DOCK2: variants seen among roughly 807,000 people sequenced by gnomAD.
DOCK2 encodes the protein dedicator of cytokinesis protein 2.
DOCK2 carries 87 observed loss-of-function variants against 248.9 expected under a neutral mutation model. That is an observed-to-expected ratio of 0.35 (90% CI 0.29 to 0.42). The LOEUF (loss-of-function observed/expected upper bound fraction) is 0.42, where lower values mean the gene tolerates loss of function less well. Ranked by LOEUF, DOCK2 falls within the 10% of genes least tolerant of loss-of-function variation. The pLI is 1.00. For missense variants in DOCK2, 1,747 were observed against 2,300.2 expected (o/e 0.76, Z 4.92); for synonymous variants, 805 against 821.6 (o/e 0.98, Z 0.35).
At chr5:169,656,993 T>A (rs187007272) in intron 2 of DOCK2, among the ~76,000 whole-genome samples, 3 of 152,370 alleles carry the variant, frequency 2.0e-5, no homozygotes, top group South Asian at 2.1e-4. Flanking sequence ...AATAACTTGC[T>A]GGAAAAAGCT....
At chr5:169,760,718 G>T (rs1432218344) in intron 24 of DOCK2, among the ~76,000 whole-genome samples, 1 of 152,140 alleles carries the variant, frequency 6.6e-6, no homozygotes, top group Non-Finnish European at 1.5e-5. Flanking sequence ...GCTGTGTATT[G>T]ATTTGTTTGC....
intron 27 of DOCK2, among the ~76,000 whole-genome samples, chr5:169,867,991 C>T (rs1372851104): frequency 6.6e-6 from 1 of 152,200 alleles, no homozygotes; most frequent in East Asian, 1.9e-4. Context: ...TCACAATGCT[C>T]CTAGCTCCTG....
At chr5:169,977,582 A>G (rs1252868383) in intron 27 of DOCK2, among the ~76,000 whole-genome samples, 2 of 152,208 alleles carry the variant, frequency 1.3e-5, no homozygotes, top group Admixed American at 1.3e-4. Flanking sequence ...CAAAACTAGT[A>G]AGAGATACAG....
intron 9 of DOCK2, among the ~76,000 whole-genome samples, chr5:169,691,335 T>C (rs1760285596): frequency 6.6e-6 from 1 of 151,852 alleles, no homozygotes; most frequent in Non-Finnish European, 1.5e-5. Context: ...CATTTTAACA[T>C]GAGATTTGGG....
At chr5:169,706,684 G>A (rs1761284991) in intron 14 of DOCK2, among the ~76,000 whole-genome samples, 1 of 152,254 alleles carries the variant, frequency 6.6e-6, no homozygotes. Context: ...TCTTCACTCA[G>A]TTCTGGTTCA....
chr5:169,717,360 A>C lies in DOCK2; in HGVS notation c.2032-24A>C, dbSNP rs149631349. 181 of 1,606,218 alleles carry C rather than the reference A, an allele frequency of 1.1e-4. 1 individual carries two copies. In the East Asian group the frequency reaches 2.3e-3, roughly 21 times the overall value. The stretch of plus-strand genomic sequence containing the variant: ...CCTGCCCTGGGTTTGCCCTGAAAAT[A>C]CTGCTGCCTTGCATCTTCCTCAGAT... On this transcript the variant is annotated intron_variant, in intron 20 of 51. Transcript: ENST00000520908.
chr5:169,637,346 C>G lies in DOCK2; in HGVS notation c.20C>G (p.Ala7Gly). Residue 7 changes from alanine to glycine, a missense_variant, in exon 1 of 52, where the codon GCT (alanine) becomes GGT (glycine). Physicochemically the swap from Ala to Gly is moderately conservative, Grantham distance 60. This residue lies in a region of DOCK2 where 375 missense variants were observed against 510.9 expected (regional missense o/e 0.73). Coordinates refer to ENST00000520908, the MANE Select transcript of DOCK2 (RefSeq NM_004946.3). Reference sequence around the variant, plus strand: ...CCAGCCATGGCCCCCTGGCGCAAAGCTGACAAGGAGCGGCACGGCGTGGGT... The same window carrying G: ...CCAGCCATGGCCCCCTGGCGCAAAGGTGACAAGGAGCGGCACGGCGTGGGT... MAPWRK[A>G]DKERHGVAIY... is the part of the protein sequence containing the mutation. 5 of 1,433,172 alleles carry G rather than the reference C, an allele frequency of 3.5e-6. No homozygotes were observed. The highest frequency in any genetic ancestry group is 4.6e-6 in the Non-Finnish European group (5 of 1,094,584). 88.8% of individuals were successfully genotyped at this position (1,433,172 alleles called of 1,614,324 possible). A position where few individuals can be genotyped will look rare whatever the true frequency, so the allele number is the denominator to read the frequency against.
intron 27 of DOCK2, among the ~76,000 whole-genome samples, chr5:169,971,731 A>G (rs955099816): frequency 2.0e-4 from 30 of 152,358 alleles, no homozygotes; most frequent in African/African-American, 7.0e-4. Context: ...TGAAGGCAAC[A>G]CAGTAGGCAG....
At chr5:169,698,255 G>A in intron 10 of DOCK2, 119 bp from the exon 11 acceptor site, 1 of 930,112 alleles carries the variant, frequency 1.1e-6, no homozygotes, top group Non-Finnish European at 1.7e-6. Context: ...GCCATTTTAG[G>A]CCTTCCTGAC....
chr5:169,678,670 G>A (rs1759479775), intron 6 of DOCK2, among the ~76,000 whole-genome samples: 1 of 152,200 alleles, frequency 6.6e-6, no homozygotes, highest in Non-Finnish European at 1.5e-5. Context: ...TGCTCAAGAT[G>A]CAGTGGAATT....
intron 28 of DOCK2, among the ~76,000 whole-genome samples, chr5:169,983,989 A>T (rs962585869): frequency 6.6e-6 from 1 of 152,228 alleles, no homozygotes; most frequent in African/African-American, 2.4e-5. Flanking sequence ...AGACATGGAA[A>T]TAGAAAAACT....
intron 23 of DOCK2, among the ~76,000 whole-genome samples, chr5:169,757,925 A>G (rs1261364507): frequency 6.6e-6 from 1 of 152,228 alleles, no homozygotes; most frequent in Non-Finnish European, 1.5e-5. Context: ...GGAAATGGTC[A>G]ATTAAAGGAA....
chr5:169,759,902 G>A lies in DOCK2; in HGVS notation c.2447+127G>A. On this transcript the variant is annotated intron_variant, in intron 24 of 51. Coordinates refer to ENST00000520908, the MANE Select transcript of DOCK2 (RefSeq NM_004946.3). ...GGGATGGGGAAGACCTGTGGCAGGG[G>A]ATGTTTTCAGGGTTTCCGGTGTGGT... The A allele has an allele frequency of 6.0e-6, 6 of 993,440 alleles. No homozygotes were observed. In the South Asian group the frequency reaches 9.1e-5, roughly 15 times the overall value. 61.5% of individuals were successfully genotyped at this position (993,440 alleles called of 1,614,324 possible).
intron 2 of DOCK2, among the ~76,000 whole-genome samples, chr5:169,661,570 C>A (rs927372256): frequency 6.6e-6 from 1 of 152,192 alleles, no homozygotes; most frequent in Non-Finnish European, 1.5e-5. Flanking sequence ...GTTCTTCCTA[C>A]ATATCTGTTA....
At chr5:169,676,554 G>A (rs182901064) in intron 6 of DOCK2, among the ~76,000 whole-genome samples, 1 of 152,304 alleles carries the variant, frequency 6.6e-6, no homozygotes, top group East Asian at 1.9e-4. Context: ...TCAGCTGCAA[G>A]CGAGAGAGTT....
intron 22 of DOCK2, among the ~76,000 whole-genome samples, chr5:169,733,397 A>G (rs903150728): frequency 6.6e-6 from 1 of 151,770 alleles, no homozygotes; most frequent in Non-Finnish European, 1.5e-5. Flanking sequence ...CTTTCTAAAA[A>G]TAACTCCACA....
chr5:170,074,235 T>C (rs1399153401), intron 46 of DOCK2, among the ~76,000 whole-genome samples: 2 of 152,208 alleles, frequency 1.3e-5, no homozygotes, highest in Non-Finnish European at 2.9e-5. Flanking sequence ...TTTCTTAGGC[T>C]CTCTTTATTC....
At chr5:169,871,934 G>T (rs1772004791) in intron 27 of DOCK2, among the ~76,000 whole-genome samples, 1 of 152,144 alleles carries the variant, frequency 6.6e-6, no homozygotes, top group Admixed American at 6.5e-5. Context: ...ATAATATCTG[G>T]GGTCAGCAAT....
At chr5:169,753,370 C>G (rs1029531465) in intron 23 of DOCK2, among the ~76,000 whole-genome samples, 5 of 151,234 alleles carry the variant, frequency 3.3e-5, no homozygotes, top group Non-Finnish European at 5.9e-5. Context: ...CCCCCCACCC[C>G]CTGACAGCTC....
Sources: allele counts gnomAD v4.1 joint callset (sites outside exome capture counted in the v4.1 genomes callset), GRCh38; gene constraint gnomAD v4.1.1; regional missense constraint gnomAD v4.1.1; transcripts MANE v1.5; gene names NCBI Gene and HGNC (gene_info 2026-07-23, HGNC 2026-07-21).